The following DLG2 variants were observed in gnomAD, a reference collection of about 807,000 sequenced individuals.
DLG2 encodes the protein discs large MAGUK scaffold protein 2, also known as disks large homolog 2.
Under a neutral mutation model 132.5 loss-of-function variants are expected in DLG2, and 45 were observed. That is an observed-to-expected ratio of 0.34 (90% CI 0.27 to 0.44). DLG2 has a LOEUF of 0.44. Among genes scored for constraint, DLG2 ranks in the 20% least tolerant of loss-of-function variants. The pLI, the probability that DLG2 is intolerant of heterozygous loss-of-function variation, is 1.00. For synonymous variants in DLG2, 424 were observed against 419.6 expected, an observed-to-expected ratio of 1.01 and a Z score of -0.13; for missense variants, 1,045 against 1,196.9, an observed-to-expected ratio of 0.87 and a Z score of 1.87.
chr11:84,547,407 C>T (rs1378571520), intron 6 of DLG2, among the ~76,000 whole-genome samples: 1 of 152,122 alleles, frequency 6.6e-6, no homozygotes, highest in Non-Finnish European at 1.5e-5. Flanking sequence ...TTTACGCCAT[C>T]TTAAATGCTT....
chr11:84,040,361 G>C (rs796942856), intron 11 of DLG2, among the ~76,000 whole-genome samples: 10 of 151,958 alleles, frequency 6.6e-5, no homozygotes, highest in Non-Finnish European at 1.5e-4. Context: ...TAGGTCTAAC[G>C]TTTAAGTCTT....
At chr11:83,552,709 A>G (rs1019558248) in intron 19 of DLG2, among the ~76,000 whole-genome samples, 7 of 152,190 alleles carry the variant, frequency 4.6e-5, no homozygotes, top group Non-Finnish European at 1.5e-5. Flanking sequence ...CATTGGAAAC[A>G]TGCACATGAG....
At chr11:84,833,489 T>G (rs1449495210) in intron 6 of DLG2, among the ~76,000 whole-genome samples, 1 of 151,616 alleles carries the variant, frequency 6.6e-6, no homozygotes, top group East Asian at 1.9e-4. Context: ...ACACACATCC[T>G]ATAGAACTGT....
intron 7 of DLG2, among the ~76,000 whole-genome samples, chr11:84,486,629 G>GAAGGTGAA (rs1330067410): frequency 1.3e-5 from 2 of 152,106 alleles, no homozygotes; most frequent in Admixed American, 1.3e-4. Flanking sequence ...AAACAGAAAA[G>GAAGGTGAA]AAGGTGAAAA....
intron 3 of DLG2, among the ~76,000 whole-genome samples, chr11:85,445,764 T>C (rs1029929708): frequency 1.3e-5 from 2 of 151,920 alleles, no homozygotes; most frequent in Admixed American, 1.3e-4. Flanking sequence ...TGGTATAGAG[T>C]TTTAATTTTT....
At chr11:84,502,245 T>TTC (rs1378896544) in intron 7 of DLG2, among the ~76,000 whole-genome samples, 1 of 44,588 alleles carries the variant, frequency 2.2e-5, no homozygotes, top group African/African-American at 3.0e-4. Flanking sequence ...CTTCCTTCCT[T>TTC]CCTTCCTTCC....
chr11:85,302,731 T>G (rs936751607), intron 3 of DLG2, among the ~76,000 whole-genome samples: 2 of 150,576 alleles, frequency 1.3e-5, no homozygotes, highest in African/African-American at 4.9e-5. Context: ...TTCAGCGTAA[T>G]AGTAGAGATG....
chr11:83,937,324 G>A (rs1301354725), intron 14 of DLG2, among the ~76,000 whole-genome samples: 1 of 151,726 alleles, frequency 6.6e-6, no homozygotes, highest in African/African-American at 2.4e-5. Context: ...TGGCTACCAC[G>A]GTGAAACCCA....
chr11:83,587,994 C>T (rs565368357), intron 19 of DLG2, among the ~76,000 whole-genome samples: 4 of 152,276 alleles, frequency 2.6e-5, no homozygotes, highest in African/African-American at 9.6e-5. Context: ...GGCTCCTAAG[C>T]CCACGGAGTC....
chr11:84,235,768 G>A (rs896833837), intron 8 of DLG2, among the ~76,000 whole-genome samples: 1 of 152,010 alleles, frequency 6.6e-6, no homozygotes. Context: ...ACTACCGAGA[G>A]GCAGGGTAGT....
intron 20 of DLG2, among the ~76,000 whole-genome samples, chr11:83,537,581 G>A (rs1472875128): frequency 1.3e-5 from 2 of 151,990 alleles, no homozygotes; most frequent in Non-Finnish European, 2.9e-5. Context: ...TTGGGAGGCC[G>A]AGGCGGGCAG....
intron 18 of DLG2, among the ~76,000 whole-genome samples, chr11:83,744,003 C>T (rs549335357): frequency 2.3e-4 from 35 of 152,266 alleles, no homozygotes; most frequent in African/African-American, 7.2e-4. Flanking sequence ...TCCCTTGCAG[C>T]TAGGGTTCAC....
intron 6 of DLG2, among the ~76,000 whole-genome samples, chr11:84,742,497 T>C (rs1302762854): frequency 1.3e-5 from 2 of 152,174 alleles, no homozygotes; most frequent in Non-Finnish European, 2.9e-5. Context: ...ACTTAATTTT[T>C]TAGAGCAATT....
In DLG2 at chr11:85,285,405, A is replaced by G. The variant is rs2078492196; in HGVS notation, c.41-40T>C. ...TAAGGAAAGCATCAAAATGTAATGC[A>G]TGACTTCATAAATAGCTTCTGCATA... is the stretch of plus-strand genomic sequence containing the variant. On this transcript the variant is annotated intron_variant, in intron 3 of 27. Coordinates refer to ENST00000376104, the MANE Select transcript of DLG2 (RefSeq NM_001142699.3). The G allele has an allele frequency of 3.1e-6, 5 of 1,589,910 alleles. No individual in the cohort carries two copies. In the East Asian group the frequency reaches 9.0e-5, roughly 29 times the overall value.
intron 10 of DLG2, among the ~76,000 whole-genome samples, chr11:84,072,332 C>T (rs1198879230): frequency 6.6e-6 from 1 of 152,200 alleles, no homozygotes; most frequent in African/African-American, 2.4e-5. Context: ...CTGAATTAGC[C>T]ACCTCCAGAC....
At chr11:84,141,954 A>T (rs1335803291) in intron 9 of DLG2, among the ~76,000 whole-genome samples, 1 of 151,958 alleles carries the variant, frequency 6.6e-6, no homozygotes, top group African/African-American at 2.4e-5. Context: ...TTTGTTGGTT[A>T]TTTTTGCTGT....
chr11:83,797,903 A>T (rs2043269206), intron 17 of DLG2, among the ~76,000 whole-genome samples: 1 of 152,192 alleles, frequency 6.6e-6, no homozygotes, highest in South Asian at 2.1e-4. Flanking sequence ...TTTGACCATA[A>T]TGAGGAGTCA....
intron 6 of DLG2, among the ~76,000 whole-genome samples, chr11:84,921,872 T>C (rs1245661427): frequency 1.3e-5 from 2 of 152,188 alleles, no homozygotes; most frequent in Non-Finnish European, 1.5e-5. Context: ...TGTCTACATC[T>C]TATACATGGA....
intron 3 of DLG2, among the ~76,000 whole-genome samples, chr11:85,398,247 C>T (rs1040278894): frequency 3.6e-4 from 55 of 151,746 alleles, no homozygotes; most frequent in African/African-American, 1.2e-3. Context: ...AAAGACACAA[C>T]GTACCAGAAT....
Sources: allele counts gnomAD v4.1 joint callset (sites outside exome capture counted in the v4.1 genomes callset), GRCh38; gene constraint gnomAD v4.1.1; transcripts MANE v1.5; gene names NCBI Gene and HGNC (gene_info 2026-07-23, HGNC 2026-07-21).